PCDH15: variants seen among roughly 807,000 people sequenced by gnomAD.
PCDH15 encodes the protein protocadherin-15.
Under a neutral mutation model 178.5 loss-of-function variants are expected in PCDH15, and 129 were observed. That is an observed-to-expected ratio of 0.72 (90% CI 0.63 to 0.84). The LOEUF (loss-of-function observed/expected upper bound fraction) is 0.84, where lower values mean the gene tolerates loss of function less well. PCDH15 is among the 40% of genes least tolerant of loss of function. The pLI is 0.00. For missense variants in PCDH15, 2,230 were observed against 2,099.9 expected, an observed-to-expected ratio of 1.06 and a Z score of -1.21; for synonymous variants, 800 against 732.0, an observed-to-expected ratio of 1.09 and a Z score of -1.50.
chr10:54,193,872 A>T (rs2049290617), intron 11 of PCDH15, among the ~76,000 whole-genome samples: 1 of 152,122 alleles, frequency 6.6e-6, no homozygotes, highest in Non-Finnish European at 1.5e-5. Flanking sequence ...ATGGTAAGGC[A>T]TTTAAACTAG....
At chr10:55,607,889 A>G (rs574078933) in intron 2 of PCDH15, among the ~76,000 whole-genome samples, 53 of 152,146 alleles carry the variant, frequency 3.5e-4, no homozygotes, top group African/African-American at 1.2e-3. Context: ...CCTAAAACTT[A>G]AAGTATAATA....
At chr10:54,075,949 A>G (rs1479382027) in intron 17 of PCDH15, among the ~76,000 whole-genome samples, 1 of 152,102 alleles carries the variant, frequency 6.6e-6, no homozygotes, top group Non-Finnish European at 1.5e-5. Context: ...TTTAAAGATA[A>G]GTTTTAGAAT....
intron 3 of PCDH15, among the ~76,000 whole-genome samples, chr10:54,809,267 T>C (rs574545609): frequency 6.9e-4 from 105 of 152,240 alleles, no homozygotes; most frequent in African/African-American, 2.4e-3. Flanking sequence ...AGATTTTGGG[T>C]TTACTTAAAT....
chr10:55,588,882 G>C (rs562603944), intron 2 of PCDH15, among the ~76,000 whole-genome samples: 2 of 152,106 alleles, frequency 1.3e-5, no homozygotes, highest in South Asian at 2.1e-4. Context: ...GGGAGTTTGA[G>C]ACCAGCCTGA....
At chr10:55,264,420 T>C (rs1842227895) in intron 1 of PCDH15, among the ~76,000 whole-genome samples, 1 of 152,014 alleles carries the variant, frequency 6.6e-6, no homozygotes, top group South Asian at 2.1e-4. Flanking sequence ...GAGGCATAGG[T>C]GAGGCCGGTC....
chr10:53,969,847 T>C (rs1408031635), intron 21 of PCDH15, among the ~76,000 whole-genome samples: 1 of 151,872 alleles, frequency 6.6e-6, no homozygotes, highest in Non-Finnish European at 1.5e-5. Flanking sequence ...TTACAAGAGC[T>C]CCTAAAAGGA....
At chr10:54,169,808 C>T (rs1234260445) in intron 13 of PCDH15, among the ~76,000 whole-genome samples, 1 of 151,920 alleles carries the variant, frequency 6.6e-6, no homozygotes, top group Non-Finnish European at 1.5e-5. Context: ...TACAGCATGG[C>T]CTTTTAAAGC....
At chr10:53,925,902 T>C (rs1366893263) in intron 25 of PCDH15, among the ~76,000 whole-genome samples, 1 of 152,234 alleles carries the variant, frequency 6.6e-6, no homozygotes, top group African/African-American at 2.4e-5. Flanking sequence ...TAGCGACGCT[T>C]GGCATAACAA....
At chr10:54,424,220 A>C (rs1216061556) in intron 3 of PCDH15, among the ~76,000 whole-genome samples, 1 of 151,992 alleles carries the variant, frequency 6.6e-6, no homozygotes, top group East Asian at 1.9e-4. Context: ...GACACTTCTC[A>C]AAAGAAGACA....
chr10:54,712,877 T>C (rs529341516), intron 1 of PCDH15, among the ~76,000 whole-genome samples: 18 of 152,180 alleles, frequency 1.2e-4, no homozygotes, highest in Admixed American at 7.2e-4. Flanking sequence ...ATAGTTTGGA[T>C]AAACTTTGAA....
At chr10:54,503,264 T>A (rs4935110) in intron 3 of PCDH15, among the ~76,000 whole-genome samples, 6,110 of 137,224 alleles carry the variant, frequency 0.045, 407 homozygotes, top group African/African-American at 0.11. Context: ...TGTGTGTGTG[T>A]GATTATATAT....
chr10:55,519,217 C>G (rs1440794638), intron 2 of PCDH15, among the ~76,000 whole-genome samples: 1 of 150,700 alleles, frequency 6.6e-6, no homozygotes, highest in Non-Finnish European at 1.5e-5. Flanking sequence ...ACTGAAAACC[C>G]ACCCTTCATG....
intron 1 of PCDH15, among the ~76,000 whole-genome samples, chr10:55,236,389 C>T (rs1300093019): frequency 6.6e-6 from 1 of 151,922 alleles, no homozygotes; most frequent in Non-Finnish European, 1.5e-5. Context: ...GAACAAGAGA[C>T]CTTTCTGAAA....
chr10:55,419,509 A>G (rs1332224756), intron 2 of PCDH15, among the ~76,000 whole-genome samples: 1 of 151,784 alleles, frequency 6.6e-6, no homozygotes. Context: ...ATAGTTACTG[A>G]CTCAATGGAG....
At chr10:55,378,231 C>T (rs908251162) in intron 2 of PCDH15, among the ~76,000 whole-genome samples, 1 of 152,042 alleles carries the variant, frequency 6.6e-6, no homozygotes, top group Non-Finnish European at 1.5e-5. Context: ...ATTATGACAG[C>T]TATTGGCAGT....
intron 2 of PCDH15, among the ~76,000 whole-genome samples, chr10:54,967,443 A>G (rs1477839614): frequency 3.3e-5 from 5 of 152,114 alleles, no homozygotes; most frequent in African/African-American, 4.8e-5. Context: ...TCTTTTGCCA[A>G]TGTAACAGTA....
intron 2 of PCDH15, among the ~76,000 whole-genome samples, chr10:54,910,840 A>C (rs1954803362): frequency 6.6e-6 from 1 of 152,206 alleles, no homozygotes. Context: ...GATTGGATCC[A>C]ATATTGTATC....
At chr10:55,267,486 C>A (rs1357168323) in intron 1 of PCDH15, among the ~76,000 whole-genome samples, 1 of 152,108 alleles carries the variant, frequency 6.6e-6, no homozygotes, top group Non-Finnish European at 1.5e-5. Flanking sequence ...ATTATAAAAA[C>A]CAATTTGTCC....
intron 2 of PCDH15, among the ~76,000 whole-genome samples, chr10:55,476,259 T>G (rs1840060408): frequency 6.6e-6 from 1 of 152,044 alleles, no homozygotes. Flanking sequence ...TGCTTGTAGA[T>G]TTTAGAAAAG....
Sources: gnomAD v4.1 joint callset for allele counts (sites outside exome capture counted in the v4.1 genomes callset) on GRCh38, gnomAD v4.1.1 for gene constraint, MANE v1.5 for transcripts, NCBI Gene and HGNC (gene_info 2026-07-23, HGNC 2026-07-21) for gene names.